The following ANKHD1 variants were observed in gnomAD, a reference collection of about 807,000 sequenced individuals.
The protein encoded by ANKHD1 is ankyrin repeat and KH domain containing 1, also known as ankyrin repeat and KH domain-containing protein 1.
Under a neutral mutation model 230.5 loss-of-function variants are expected in ANKHD1, and 31 were observed. The ratio of observed to expected loss-of-function variants is 0.13; its 90% CI spans 0.10 to 0.18. The LOEUF (loss-of-function observed/expected upper bound fraction) is 0.18, where lower values mean the gene tolerates loss of function less well. Among genes scored for constraint, ANKHD1 ranks in the 10% least tolerant of loss-of-function variants. The pLI, the probability that ANKHD1 is intolerant of heterozygous loss-of-function variation, is 1.00. For synonymous variants in ANKHD1, 1,074 were observed against 1,117.6 expected (o/e 0.96, Z 0.78); for missense variants, 2,256 against 3,071.3 (o/e 0.73, Z 6.27).
In ANKHD1 at chr5:140,528,416, A is replaced by G; in HGVS notation, c.5470A>G (p.Thr1824Ala). 1 of 1,614,178 alleles carries G rather than the reference A, an allele frequency of 6.2e-7. No homozygotes were observed. The highest frequency in any genetic ancestry group is 8.5e-7 in the Non-Finnish European group (1 of 1,180,026). Residue 1824 changes from threonine (T) to alanine (A), a missense_variant, in exon 29 of 34, where the codon ACG becomes GCG. Physicochemically the swap from Thr to Ala is moderately conservative, Grantham distance 58 (BLOSUM62 0). Coordinates refer to ENST00000360839, the MANE Select transcript of ANKHD1 (RefSeq NM_017747.3). The part of the protein sequence containing the change: ...LVTSQATTLS[T>A]FQPANKLNKN... The stretch of plus-strand genomic sequence containing the variant: ...AACTTCACAGGCAACAACGTTATCT[A>G]CGTTCCAGCCCGCTAATAAACTTAA...
At chr5:140,425,584 G>A (rs1200383138) in intron 1 of ANKHD1, among the ~76,000 whole-genome samples, 2 of 149,968 alleles carry the variant, frequency 1.3e-5, no homozygotes, top group Admixed American at 6.7e-5. Context: ...GAGAAGGGGG[G>A]ATTGTGAGTC....
chr5:140,455,752 A>G (rs911213336), intron 7 of ANKHD1, among the ~76,000 whole-genome samples: 2 of 152,228 alleles, frequency 1.3e-5, no homozygotes, highest in Non-Finnish European at 2.9e-5. Flanking sequence ...CCCCACAGCC[A>G]ATATCATACT....
chr5:140,527,968 A>G lies in ANKHD1; in HGVS notation c.5183A>G (p.His1728Arg). ...GCAATACAGGATGTTACTGGTGCCC[A>G]TATTGATGTGGATAAACAAAAAGAT... ...ITAIQDVTGA[H>R]IDVDKQKDKN... The change falls in exon 28 of 34, where the codon CAT becomes CGT. Residue 1728 changes from histidine (H) to arginine (R), a missense_variant. By Grantham distance (29) the His-to-Arg change is conservative. Coordinates refer to ENST00000360839, the MANE Select transcript of ANKHD1 (RefSeq NM_017747.3). This position sits in a 1 kb window ranked among gnomAD's most constrained non-coding sequence, Gnocchi z 4.5. 1 of 1,614,028 alleles carries G rather than the reference A, an allele frequency of 6.2e-7. No individual in the cohort carries two copies. Among genetic ancestry groups the G allele is most frequent in the South Asian group, 1.1e-5 (1 of 91,074 alleles).
chr5:140,537,811 A>G, intron 31 of ANKHD1: 6 of 885,872 alleles, frequency 6.8e-6, no homozygotes, highest in Non-Finnish European at 9.5e-6. Flanking sequence ...CAAAAGATTC[A>G]AAGTGTGTGT....
chr5:140,535,641 A>G, intron 30 of ANKHD1, 103 bp downstream of exon 30: 1 of 1,375,474 alleles, frequency 7.3e-7, no homozygotes. Context: ...ACTAAGTGGT[A>G]TACAGATGCC....
In ANKHD1 at chr5:140,527,857, A is replaced by ATTC. The variant is rs547220047; in HGVS notation, c.5088-12_5088-10dup. ...CATTTAATTTCATAAGCTCATGTGTATTCTTCATTTTATAGGTCAAAGAAA... is the reference window on the plus strand; with the variant it reads ...CATTTAATTTCATAAGCTCATGTGTATTCTTCTTCATTTTATAGGTCAAAGAAA... On this transcript the variant is annotated splice_polypyrimidine_tract_variant and intron_variant, in intron 27 of 33. Coordinates refer to ENST00000360839, the MANE Select transcript of ANKHD1 (RefSeq NM_017747.3). The surrounding 1 kb of genome is among the most constrained non-coding windows in gnomAD (Gnocchi z 4.5). The ATTC allele has an allele frequency of 6.2e-7, 1 of 1,609,288 alleles. No individual in the cohort carries two copies. The highest frequency in any genetic ancestry group is 1.1e-5 in the South Asian group (1 of 90,134).
chr5:140,539,152 A>G (rs1754200570), intron 33 of ANKHD1, 69 bp downstream of exon 33: 8 of 1,540,850 alleles, frequency 5.2e-6, no homozygotes, highest in South Asian at 3.8e-5. Flanking sequence ...TGTGAGAAGT[A>G]TAAGTACTGA....
chr5:140,504,120 T>G (rs1581348038), intron 15 of ANKHD1, among the ~76,000 whole-genome samples: 1 of 150,728 alleles, frequency 6.6e-6, no homozygotes, highest in African/African-American at 2.4e-5. Flanking sequence ...TGGCGTGATC[T>G]CAGCTCACTG....
At chr5:140,402,713 G>A (rs1449344881) in intron 1 of ANKHD1, among the ~76,000 whole-genome samples, 3 of 152,138 alleles carry the variant, frequency 2.0e-5, no homozygotes, top group African/African-American at 7.2e-5. Context: ...TTTGCCTTCT[G>A]CCTTGTGTGT....
Position 140,528,983 on chromosome 5 carries a change from C to T in ANKHD1, c.6037C>T (p.Leu2013Phe). 1 of 1,614,220 alleles carries T rather than the reference C, an allele frequency of 6.2e-7. No individual in the cohort carries two copies. The highest frequency in any genetic ancestry group is 8.5e-7 in the Non-Finnish European group (1 of 1,180,050). ...FLPASTSQAQ[L>F]SSQKMESFSA... ...ACCTGCAAGTACTTCTCAAGCACAG[C>T]TTTCTTCACAAAAGATGGAGTCTTT... Residue 2013 changes from leucine (L) to phenylalanine (F), a missense_variant, in exon 29 of 34, where the codon CTT (leucine) becomes TTT (phenylalanine). Physicochemically the swap from Leu to Phe is conservative, Grantham distance 22 (BLOSUM62 0). This residue lies in a region of ANKHD1 where 778 missense variants were observed against 966.5 expected (regional missense o/e 0.80). Transcript: ENST00000360839.
chr5:140,533,788 A>C lies in ANKHD1; in HGVS notation c.6851-1574A>C, dbSNP rs1261981317. On this transcript the variant is annotated intron_variant, in intron 29 of 33. Coordinates refer to ENST00000360839, the MANE Select transcript of ANKHD1 (RefSeq NM_017747.3). ...AAGACCCTGTCTCAAAAAAAAAAAA[A>C]AAAAAAAAAAACAAGAAGTTATTAT... Among the ~76,000 whole-genome samples, 16 of 151,192 alleles carry C rather than the reference A, an allele frequency of 1.1e-4. No homozygotes were observed. In the East Asian group the frequency reaches 1.4e-3, roughly 13 times the overall value.
At chr5:140,537,673 C>A (rs1242669744) in intron 31 of ANKHD1, 84 bp downstream of exon 31, 7 of 1,453,840 alleles carry the variant, frequency 4.8e-6, no homozygotes, top group Non-Finnish European at 5.4e-6. Flanking sequence ...TTAGAAAAAA[C>A]AAACAAAAAA....
intron 25 of ANKHD1, 120 bp downstream of exon 25, chr5:140,524,360 T>C: frequency 2.2e-6 from 3 of 1,391,632 alleles, no homozygotes; most frequent in Non-Finnish European, 2.8e-6. Context: ...TAATCTGAAA[T>C]GGACAATGAC....
At chr5:140,512,739 T>C in intron 22 of ANKHD1, 89 bp from the exon 23 acceptor site, 2 of 1,240,440 alleles carry the variant, frequency 1.6e-6, no homozygotes, top group Non-Finnish European at 1.1e-6. Flanking sequence ...GATTCCTTTG[T>C]AATTCTGTTG....
rs905601813 is a variant in ANKHD1 at position 140,496,997 on chromosome 5, A to G, written c.2723A>G (p.Asp908Gly). The change falls in exon 15 of 34, where the codon GAT becomes GGT. Residue 908 changes from aspartate (D) to glycine (G), a missense_variant. Asp to Gly is a moderately conservative substitution (Grantham distance 94, BLOSUM62 -1). Transcript: ENST00000360839. The part of the protein sequence containing the change: ...QVDTILFKDN[D>G]VDDEQQSPPS... ...GACACAATCTTATTTAAAGATAATGATGTTGATGATGAGCAACAGTCTCCA... is the reference window on the plus strand; with the variant it reads ...GACACAATCTTATTTAAAGATAATGGTGTTGATGATGAGCAACAGTCTCCA... The G allele has an allele frequency of 9.3e-6, 15 of 1,614,146 alleles. No individual in the cohort carries two copies. In the Admixed American group the frequency reaches 2.3e-4, roughly 25 times the overall value.
At chr5:140,406,816 G>C (rs893152008) in intron 1 of ANKHD1, among the ~76,000 whole-genome samples, 1 of 152,202 alleles carries the variant, frequency 6.6e-6, no homozygotes, top group South Asian at 2.1e-4. Flanking sequence ...GATTACAGCC[G>C]TGAGTCACCC....
chr5:140,474,744 G>T (rs1190677616), intron 10 of ANKHD1, among the ~76,000 whole-genome samples: 4 of 151,532 alleles, frequency 2.6e-5, no homozygotes, highest in Non-Finnish European at 5.9e-5. Context: ...CTACAGGTAT[G>T]CACCACAATG....
At chr5:140,496,460 T>TA in intron 14 of ANKHD1, 60 bp from the exon 15 acceptor site, 4 of 1,166,932 alleles carry the variant, frequency 3.4e-6, no homozygotes, top group Non-Finnish European at 4.5e-6. Context: ...TTTTTTCTTT[T>TA]CTTTTTTTTT....
chr5:140,481,774 A>G (rs568573293), intron 10 of ANKHD1, among the ~76,000 whole-genome samples: 2 of 152,218 alleles, frequency 1.3e-5, no homozygotes, highest in South Asian at 4.1e-4. Context: ...GAACCAGAAC[A>G]ACAGAAATTC....
Sources: gnomAD v4.1 joint callset for allele counts (sites outside exome capture counted in the v4.1 genomes callset) on GRCh38, gnomAD v4.1.1 for gene constraint, gnomAD v4.1.1 regional missense constraint, Gnocchi (gnomAD v3.1) non-coding constraint, MANE v1.5 for transcripts, NCBI Gene and HGNC (gene_info 2026-07-23, HGNC 2026-07-21) for gene names.